R3HDM2: variants seen among roughly 807,000 people sequenced by gnomAD.
The protein encoded by R3HDM2 is R3H domain-containing protein 2.
Under a neutral mutation model 124.5 loss-of-function variants are expected in R3HDM2, and 38 were observed. The ratio of observed to expected loss-of-function variants is 0.31; its 90% CI spans 0.24 to 0.40. The LOEUF is 0.40. R3HDM2 is among the 10% of genes least tolerant of loss of function. R3HDM2 has a pLI of 1.00. For missense variants in R3HDM2, 869 were observed against 1,236.9 expected, an observed-to-expected ratio of 0.70 and a Z score of 4.46; for synonymous variants, 391 against 448.0, an observed-to-expected ratio of 0.87 and a Z score of 1.61.
At chr12:57,362,444 T>C (rs180839946) in intron 2 of R3HDM2, among the ~76,000 whole-genome samples, 159 of 152,382 alleles carry the variant, frequency 1.0e-3, no homozygotes, top group Non-Finnish European at 1.8e-3. Context: ...CAACTGTTTA[T>C]GGTTATTGTT....
chr12:57,288,208 C>T (rs1007756118), intron 12 of R3HDM2, among the ~76,000 whole-genome samples: 1 of 151,658 alleles, frequency 6.6e-6, no homozygotes, highest in African/African-American at 2.4e-5. Context: ...GTTTCACCAT[C>T]TTGGCCAGGC....
At chr12:57,395,291 G>A (rs1417990113) in intron 2 of R3HDM2, among the ~76,000 whole-genome samples, 1 of 152,088 alleles carries the variant, frequency 6.6e-6, no homozygotes, top group African/African-American at 2.4e-5. Flanking sequence ...GGTCACCTAA[G>A]GTCGGGAGTT....
In R3HDM2 at chr12:57,296,310, G is replaced by C. The variant is rs753347208; in HGVS notation, c.701+101C>G. On this transcript the variant is annotated intron_variant, in intron 9 of 23. Transcript: ENST00000402412. The surrounding 1 kb of genome is among the most constrained non-coding windows in gnomAD (Gnocchi z 4.5). ...TGGGATTACAGGTGTGAGCCACCACGCCTGGCCATCTGCAAGAGACATCCT... is the reference window on the plus strand; with the variant it reads ...TGGGATTACAGGTGTGAGCCACCACCCCTGGCCATCTGCAAGAGACATCCT... 1 of 1,350,774 alleles carries C rather than the reference G, an allele frequency of 7.4e-7. No homozygotes were observed. The highest frequency in any genetic ancestry group is 1.5e-5 in the African/African-American group (1 of 68,922). The allele number at this position is 1,350,774 out of a possible 1,614,324, so 83.7% of individuals were successfully genotyped here.
At chr12:57,411,061 C>A (rs1375871915) in intron 1 of R3HDM2, among the ~76,000 whole-genome samples, 2 of 152,008 alleles carry the variant, frequency 1.3e-5, no homozygotes, top group South Asian at 2.1e-4. Context: ...AGCAGTCATC[C>A]ACATAAAACA....
chr12:57,379,208 T>A (rs2064503013), intron 2 of R3HDM2, among the ~76,000 whole-genome samples: 1 of 152,106 alleles, frequency 6.6e-6, no homozygotes. Flanking sequence ...GTTAAGAGGG[T>A]TAATTCTGTT....
At chr12:57,401,074 AAG>A (rs2139000902) in intron 1 of R3HDM2, among the ~76,000 whole-genome samples, 1 of 152,178 alleles carries the variant, frequency 6.6e-6, no homozygotes, top group East Asian at 1.9e-4. Flanking sequence ...AAAAGAATGA[AAG>A]AGAGAAAGGG....
At chr12:57,394,156 G>A (rs2067134854) in intron 2 of R3HDM2, among the ~76,000 whole-genome samples, 3 of 151,902 alleles carry the variant, frequency 2.0e-5, no homozygotes, top group African/African-American at 7.3e-5. Flanking sequence ...AATTAGCCAG[G>A]TGTGGTGGCA....
At chr12:57,272,388 C>G in intron 14 of R3HDM2, 1 of 1,361,184 alleles carries the variant, frequency 7.3e-7, no homozygotes, top group East Asian at 2.5e-5. Context: ...CACAGACTGA[C>G]CCAGACATAC....
At chr12:57,411,401 T>A (rs1400953178) in intron 1 of R3HDM2, among the ~76,000 whole-genome samples, 1 of 152,190 alleles carries the variant, frequency 6.6e-6, no homozygotes, top group Non-Finnish European at 1.5e-5. Context: ...TGACCTCAAG[T>A]GATCCACCTG....
chr12:57,317,987 C>CAA (rs750938224), intron 2 of R3HDM2, among the ~76,000 whole-genome samples: 105 of 64,900 alleles, frequency 1.6e-3, no homozygotes, highest in African/African-American at 3.1e-3. Flanking sequence ...CCCCGCCCCC[C>CAA]CAAAAAAAAA....
chr12:57,310,478 A>G lies in R3HDM2; in HGVS notation c.-35-15T>C. The G allele has an allele frequency of 7.3e-7, 1 of 1,375,206 alleles. No homozygotes were observed. The highest frequency in any genetic ancestry group is 9.6e-7 in the Non-Finnish European group (1 of 1,046,572). The allele number at this position is 1,375,206 out of a possible 1,614,324, so 85.2% of individuals were successfully genotyped here. ...TCTATGGACTCCTAAAGAAACATCA[A>G]ATGCATTAAGCAGGAGGTATGTATC... On this transcript the variant is annotated splice_polypyrimidine_tract_variant and intron_variant, in intron 2 of 23. Coordinates refer to ENST00000402412, the MANE Select transcript of R3HDM2 (RefSeq NM_001394031.1).
intron 11 of R3HDM2, among the ~76,000 whole-genome samples, chr12:57,291,663 A>C (rs1489994132): frequency 2.0e-5 from 3 of 151,356 alleles, no homozygotes; most frequent in Admixed American, 2.0e-4. Context: ...AAAAAAAAAA[A>C]AACAAAAAAA....
At chr12:57,347,125 A>G (rs1438785710) in intron 2 of R3HDM2, among the ~76,000 whole-genome samples, 1 of 152,136 alleles carries the variant, frequency 6.6e-6, no homozygotes, top group Non-Finnish European at 1.5e-5. Flanking sequence ...ATAGGCCTAC[A>G]GTCTCAGCTA....
chr12:57,343,186 ATTTTTTTTT>A (rs760665727), intron 2 of R3HDM2, among the ~76,000 whole-genome samples: 1 of 133,950 alleles, frequency 7.5e-6, no homozygotes, highest in African/African-American at 2.9e-5. Context: ...TCGGGTCTTA[ATTTTTTTTT>A]TTTTTTTTTT....
rs1486384192 is a variant in R3HDM2 at position 57,430,895 on chromosome 12, G to T, written c.-281C>A. Reference sequence around the variant, plus strand: ...TGGGAAGCAGGGGGGACTGGGACGGGGGAGGGGAAAGGGGCTTGGGAAGGA... The same window carrying T: ...TGGGAAGCAGGGGGGACTGGGACGGTGGAGGGGAAAGGGGCTTGGGAAGGA... On this transcript the variant is annotated 5_prime_UTR_variant, in exon 1 of 24. Coordinates refer to ENST00000402412, the MANE Select transcript of R3HDM2 (RefSeq NM_001394031.1). The T allele has an allele frequency of 6.7e-6, 1 of 148,588 alleles. No individual in the cohort carries two copies. The highest frequency in any genetic ancestry group is 1.5e-5 in the Non-Finnish European group (1 of 66,566). 9.2% of individuals were successfully genotyped at this position (148,588 alleles called of 1,614,324 possible). A position where few individuals can be genotyped will look rare whatever the true frequency, so the allele number is the denominator to read the frequency against.
intron 2 of R3HDM2, among the ~76,000 whole-genome samples, chr12:57,391,076 G>A (rs942256500): frequency 2.0e-5 from 3 of 149,800 alleles, no homozygotes; most frequent in Admixed American, 6.6e-5. Flanking sequence ...CCAGCAATTA[G>A]ACTCTTAAGC....
Position 57,266,862 on chromosome 12 carries a change from A to G in R3HDM2, c.2031-31T>C, listed in dbSNP as rs537239884. On this transcript the variant is annotated intron_variant, in intron 18 of 23. Transcript: ENST00000402412. ...AAGACAGAGAAGAGAGGAGTGGTGA[A>G]GCAGTAGAGGGATGAACACAGCTCC... The G allele has an allele frequency of 2.0e-6, 3 of 1,467,162 alleles. No homozygotes were observed. The South Asian group carries it at 3.6e-5, about 18-fold the overall frequency. The allele number at this position is 1,467,162 out of a possible 1,614,324, so 90.9% of individuals were successfully genotyped here.
At position 57,269,464 on chromosome 12, in the gene R3HDM2, G is replaced by T. The variant is rs1453517619; in HGVS notation, c.1588-15C>A. The T allele has an allele frequency of 6.2e-7, 1 of 1,612,712 alleles. No homozygotes were observed. ...GAAACCTGGATCTATGGTGAGAGGA[G>T]ACAGATGTGTGAGAAGTCCCTAAAA... On this transcript the variant is annotated splice_polypyrimidine_tract_variant and intron_variant, in intron 15 of 23. Coordinates refer to ENST00000402412, the MANE Select transcript of R3HDM2 (RefSeq NM_001394031.1).
chr12:57,319,927 A>G (rs2056030074), intron 2 of R3HDM2, among the ~76,000 whole-genome samples: 2 of 152,060 alleles, frequency 1.3e-5, no homozygotes, highest in Non-Finnish European at 2.9e-5. Context: ...TCCTGGAAAC[A>G]ATTTTTTCTG....
Sources: allele counts gnomAD v4.1 joint callset (sites outside exome capture counted in the v4.1 genomes callset), GRCh38; gene constraint gnomAD v4.1.1; non-coding constraint Gnocchi (gnomAD v3.1); transcripts MANE v1.5; gene names NCBI Gene and HGNC (gene_info 2026-07-23, HGNC 2026-07-21).